Variants in BPNT2 observed in about 807,000 individuals in gnomAD.
The protein encoded by BPNT2 is 3'(2'), 5'-bisphosphate nucleotidase 2.
Under a neutral mutation model 29.3 loss-of-function variants are expected in BPNT2, and 11 were observed. The ratio of observed to expected loss-of-function variants is 0.38; its 90% confidence interval spans 0.24 to 0.62. The LOEUF is 0.62. Among genes scored for constraint, BPNT2 ranks in the 20% least tolerant of loss-of-function variants. BPNT2 has a pLI of 0.62. For synonymous variants in BPNT2, 195 were observed against 187.7 expected, an observed-to-expected ratio of 1.04 and a Z score of -0.32; for missense variants, 459 against 473.4, an observed-to-expected ratio of 0.97 and a Z score of 0.28.
Position 56,993,544 on chromosome 8 carries a change from TG to T in BPNT2, c.41del (p.Ala14GlufsTer68). 1 of 1,486,558 alleles carries T rather than the reference TG, an allele frequency of 6.7e-7. No individual in the cohort carries two copies. The highest frequency in any genetic ancestry group is 1.3e-5 in the South Asian group (1 of 77,334). The allele number at this position is 1,486,558 out of a possible 1,614,324, so 92.1% of individuals were successfully genotyped here. A position where few individuals can be genotyped will look rare whatever the true frequency, so the allele number is the denominator to read the frequency against. The stretch of plus-strand genomic sequence containing the variant: ...CGCCGAGCCCCAGCAGGCAAAACAC[TG>T]CCACCCCCAGTGGGGAAAGGCGGAT... ...MGIRLSPLGV[A>X]VFCLLGLGVL... On this transcript the variant is annotated frameshift_variant, in exon 1 of 5. Coordinates refer to ENST00000262644, the MANE Select transcript of BPNT2 (RefSeq NM_017813.5). LOFTEE classifies it high-confidence loss of function.
At position 56,963,924 on chromosome 8, in the gene BPNT2, T is replaced by C. The variant is rs1176339832; in HGVS notation, c.949A>G (p.Thr317Ala). The change falls in exon 5 of 5, where the codon ACC becomes GCC. Residue 317 changes from threonine (T) to alanine (A), a missense_variant. Transcript: ENST00000262644. Reference sequence around the variant, plus strand: ...TAACTGATTTCTTCACCACTCAGGGTAGTCATATGCCCCCCTAGGGCTTTT... The same window carrying C: ...TAACTGATTTCTTCACCACTCAGGGCAGTCATATGCCCCCCTAGGGCTTTT... ...ILKALGGHMT[T>A]LSGEEISYTG... is the part of the protein sequence containing the mutation. 6.2e-7 allele frequency: 1 copy of C among 1,614,014 alleles called. No individual in the cohort carries two copies. Among genetic ancestry groups the C allele is most frequent in the Non-Finnish European group, 8.5e-7 (1 of 1,180,030 alleles).
chr8:56,970,205 T>C (rs977117488), intron 3 of BPNT2, among the ~76,000 whole-genome samples: 2 of 152,028 alleles, frequency 1.3e-5, no homozygotes, highest in Non-Finnish European at 2.9e-5. Context: ...AGAGATCAGG[T>C]CATGAACACT....
chr8:56,979,310 G>A (rs868537446), intron 2 of BPNT2, among the ~76,000 whole-genome samples: 2 of 152,182 alleles, frequency 1.3e-5, no homozygotes, highest in African/African-American at 2.4e-5. Context: ...CACGAGGGAT[G>A]TGCTCACTAA....
In BPNT2 at chr8:56,993,413, C is replaced by G. The variant is rs1806452932; in HGVS notation, c.173G>C (p.Gly58Ala). 6 of 1,557,528 alleles carry G rather than the reference C, an allele frequency of 3.9e-6. 1 individual carries two copies. The Admixed American group carries it at 1.1e-4, about 30-fold the overall frequency. The change falls in exon 1 of 5, where the codon GGG (glycine) becomes GCG (alanine). Residue 58 changes from glycine to alanine, a missense_variant. Physicochemically the swap from Gly to Ala is moderately conservative, Grantham distance 60. Coordinates refer to ENST00000262644, the MANE Select transcript of BPNT2 (RefSeq NM_017813.5). Reference protein sequence around the residue: ...GAAGPAAAADGGTVDLREMLA... With the variant: ...GAAGPAAAADAGTVDLREMLA... ...CATCTCGCGCAAGTCCACGGTGCCC[C>G]CATCGGCCGCGGCCGCGGGCCCCGC...
intron 3 of BPNT2, among the ~76,000 whole-genome samples, chr8:56,974,420 T>A (rs1043682625): frequency 6.6e-6 from 1 of 152,216 alleles, no homozygotes; most frequent in Non-Finnish European, 1.5e-5. Context: ...CTGATAAAAA[T>A]TTTTATAAGC....
chr8:56,991,259 T>C (rs1806411935), intron 1 of BPNT2, among the ~76,000 whole-genome samples: 1 of 152,236 alleles, frequency 6.6e-6, no homozygotes, highest in Non-Finnish European at 1.5e-5. Context: ...ACATGAATAC[T>C]ACAGAAGCAC....
In BPNT2 at chr8:56,993,347, T is replaced by G; in HGVS notation, c.239A>C (p.Glu80Ala). The change falls in exon 1 of 5, where the codon GAG (glutamate) becomes GCG (alanine). Residue 80 changes from glutamate to alanine, a missense_variant. By Grantham distance (107) the Glu-to-Ala change is moderately radical (BLOSUM62 -1). Transcript: ENST00000262644. ...GTTGCTCTCGCGGACGCGCCTCACC[T>G]CGTCGCCGCCGCGGACTGCGGCCAG... ...SVLAAVRGGD[E>A]VRRVRESNVL... 6.2e-7 allele frequency: 1 copy of G among 1,610,968 alleles called. No homozygotes were observed. Among genetic ancestry groups the G allele is most frequent in the Non-Finnish European group, 8.5e-7 (1 of 1,179,884 alleles).
intron 3 of BPNT2, among the ~76,000 whole-genome samples, chr8:56,968,188 A>G (rs1216127955): frequency 6.6e-6 from 1 of 152,144 alleles, no homozygotes; most frequent in Non-Finnish European, 1.5e-5. Flanking sequence ...AACAATAACA[A>G]GATGTAAAGT....
chr8:56,967,212 T>C (rs1053246849), intron 3 of BPNT2: 2 of 456,196 alleles, frequency 4.4e-6, no homozygotes, highest in African/African-American at 4.0e-5. Flanking sequence ...CACCAGCTTA[T>C]TTCTGGCTGC....
rs773325871 is a variant in BPNT2, at chr8:56,961,934, C to G, written c.*1859G>C. 6.6e-6 allele frequency: 1 copy of G among 152,132 alleles called. No individual in the cohort carries two copies. The allele number at this position is 152,132 out of a possible 1,614,324, so 9.4% of individuals were successfully genotyped here. On this transcript the variant is annotated 3_prime_UTR_variant, in exon 5 of 5. Coordinates refer to ENST00000262644, the MANE Select transcript of BPNT2 (RefSeq NM_017813.5). ...CATTGAAATTAAATTCCATTTTTTA[C>G]TTGCCAGTCCCATTTCCCTAACTTT...
intron 1 of BPNT2, among the ~76,000 whole-genome samples, chr8:56,991,984 T>C (rs1272550462): frequency 6.6e-6 from 1 of 151,794 alleles, no homozygotes; most frequent in African/African-American, 2.4e-5. Flanking sequence ...AATTCTAACG[T>C]TAATTACATC....
rs1805809146 is a variant in BPNT2 at position 56,960,212 on chromosome 8, T to A, written c.*3581A>T. The A allele has an allele frequency of 6.6e-6, 1 of 152,208 alleles. No individual in the cohort carries two copies. The highest frequency in any genetic ancestry group is 1.5e-5 in the Non-Finnish European group (1 of 68,036). The allele number at this position is 152,208 out of a possible 1,614,324, so 9.4% of individuals were successfully genotyped here. A position where few individuals can be genotyped will look rare whatever the true frequency, so the allele number is the denominator to read the frequency against. On this transcript the variant is annotated 3_prime_UTR_variant, in exon 5 of 5. Coordinates refer to ENST00000262644, the MANE Select transcript of BPNT2 (RefSeq NM_017813.5). Reference sequence around the variant, plus strand: ...TTCTGCATCGGCACTCCACCTTTCTTTACTTATGCTCAGCTATCAGAGATG... The same window carrying A: ...TTCTGCATCGGCACTCCACCTTTCTATACTTATGCTCAGCTATCAGAGATG...
At position 56,966,059 on chromosome 8, in the gene BPNT2, C is replaced by T. The variant is rs953365641; in HGVS notation, c.808+132G>A. The T allele has an allele frequency of 4.5e-5, 44 of 974,670 alleles. No individual in the cohort carries two copies. In the Admixed American group the frequency reaches 8.6e-4, roughly 19 times the overall value. 60.4% of individuals were successfully genotyped at this position (974,670 alleles called of 1,614,324 possible). On this transcript the variant is annotated intron_variant, in intron 4 of 4. Transcript: ENST00000262644. ...ACCCTCGAGGTTACCAAACAGGAGA[C>T]CAAGCCTGTCTTGAAAGTACACCAC... is the stretch of plus-strand genomic sequence containing the variant.
chr8:56,980,042 T>C lies in BPNT2; in HGVS notation c.543A>G (p.Glu181=), dbSNP rs992976245. Residue 181 remains glutamate, a synonymous_variant, in exon 2 of 5, where the codon GAA becomes GAG. Coordinates refer to ENST00000262644, the MANE Select transcript of BPNT2 (RefSeq NM_017813.5). The part of the protein sequence containing the change: ...VWIDPLDATQ[E]YTEDLRKYVT... ...GTTCAGTTTAAAAATTACCTGTATA[T>C]TCCTGTGTAGCATCAAGTGGGTCAA... 3.7e-6 allele frequency: 6 copies of C among 1,613,848 alleles called. No individual in the cohort carries two copies. The highest frequency in any genetic ancestry group is 5.1e-6 in the Non-Finnish European group (6 of 1,179,856).
intron 1 of BPNT2, among the ~76,000 whole-genome samples, chr8:56,983,216 G>T (rs1306926636): frequency 6.6e-6 from 1 of 152,050 alleles, no homozygotes; most frequent in Non-Finnish European, 1.5e-5. Context: ...TAGACAAATT[G>T]TAAGATATAA....
chr8:56,980,160 T>A lies in BPNT2; in HGVS notation c.425A>T (p.Glu142Val). ...AATCTTATGATCCCACAAGATAACC[T>A]CCTGATCAGCTGCATCCACGTGTTC... ...TEEHVDAADQEVILWDHKIPE... is the reference protein window; with the variant it reads ...TEEHVDAADQVVILWDHKIPE... The change falls in exon 2 of 5, where the codon GAG (glutamate) becomes GTG (valine). Residue 142 changes from glutamate to valine, a missense_variant. Physicochemically the swap from Glu to Val is moderately radical, Grantham distance 121. Coordinates refer to ENST00000262644, the MANE Select transcript of BPNT2 (RefSeq NM_017813.5). 2 of 1,613,820 alleles carry A rather than the reference T, an allele frequency of 1.2e-6. No homozygotes were observed. The highest frequency in any genetic ancestry group is 1.7e-6 in the Non-Finnish European group (2 of 1,179,762).
intron 1 of BPNT2, among the ~76,000 whole-genome samples, chr8:56,992,320 A>C (rs937865145): frequency 6.6e-6 from 1 of 152,194 alleles, no homozygotes; most frequent in South Asian, 2.1e-4. Flanking sequence ...TACGTTAATA[A>C]GGTGCTGCTA....
rs1805771099 is a variant in BPNT2, at chr8:56,958,254, A to G, written c.*5539T>C. On this transcript the variant is annotated 3_prime_UTR_variant, in exon 5 of 5. Transcript: ENST00000262644. The stretch of plus-strand genomic sequence containing the variant: ...CTTAATTTGTGCAAGAGACTGGGCT[A>G]TGTGCTGGGGGTGAGGTGGAAATAC... The G allele has an allele frequency of 1.3e-5, 2 of 152,218 alleles. No homozygotes were observed. Among genetic ancestry groups the G allele is most frequent in the Admixed American group, 1.3e-4 (2 of 15,276 alleles). The allele number at this position is 152,218 out of a possible 1,614,324, so 9.4% of individuals were successfully genotyped here. A position where few individuals can be genotyped will look rare whatever the true frequency, so the allele number is the denominator to read the frequency against.
intron 3 of BPNT2, among the ~76,000 whole-genome samples, chr8:56,977,491 T>C (rs140293327): frequency 5.5e-4 from 84 of 152,302 alleles, no homozygotes; most frequent in African/African-American, 1.8e-3. Flanking sequence ...TAATCCAGTA[T>C]AATCTCATCT....
Sources: gnomAD v4.1 joint callset for allele counts (sites outside exome capture counted in the v4.1 genomes callset) on GRCh38, gnomAD v4.1.1 for gene constraint, MANE v1.5 for transcripts, NCBI Gene and HGNC (gene_info 2026-07-23, HGNC 2026-07-21) for gene names.